CNIH3: variants seen among roughly 807,000 people sequenced by gnomAD.
CNIH3 encodes the protein protein cornichon homolog 3.
Under a neutral mutation model 24.1 loss-of-function variants are expected in CNIH3, and 14 were observed. The ratio of observed to expected loss-of-function variants is 0.58; its 90% confidence interval spans 0.38 to 0.91. CNIH3 has a LOEUF of 0.91. CNIH3 is among the 40% of genes least tolerant of loss of function. The pLI is 0.00. For missense variants in CNIH3, 178 were observed against 196.8 expected (o/e 0.90, Z 0.57); for synonymous variants, 68 against 73.8 (o/e 0.92, Z 0.40).
chr1:224,539,722 G>A (rs1380249265), downstream of CNIH3, among the ~76,000 whole-genome samples: 4 of 152,088 alleles, frequency 2.6e-5, no homozygotes, highest in African/African-American at 2.4e-5. Flanking sequence ...TATGCTATCC[G>A]TGAGAGGTAG....
At chr1:224,551,420 T>C (rs1679916028) in intron 3 of CNIH3, among the ~76,000 whole-genome samples, 1 of 152,056 alleles carries the variant, frequency 6.6e-6, no homozygotes, top group Non-Finnish European at 1.5e-5. Context: ...ATGTCCTTTG[T>C]AGGAACATGG....
chr1:224,473,395 T>C (rs139642437), intron 1 of CNIH3, among the ~76,000 whole-genome samples: 32 of 152,048 alleles, frequency 2.1e-4, no homozygotes, highest in Middle Eastern at 3.4e-3. Flanking sequence ...GCTGAATGGA[T>C]TAAAAACAAA....
At chr1:224,588,600 T>C (rs1401324762) in exon 6 of CNIH3, 1 of 151,274 alleles carries the variant, frequency 6.6e-6, no homozygotes, top group Non-Finnish European at 1.5e-5. Context: ...TCTTTGCCAC[T>C]ACTTAAAAAA....
intron 2 of CNIH3, among the ~76,000 whole-genome samples, chr1:224,535,420 G>C (rs1243479638): frequency 1.3e-5 from 2 of 152,196 alleles, no homozygotes; most frequent in African/African-American, 4.8e-5. Flanking sequence ...AGCTTATGTT[G>C]TTTCAAACCA....
intron 3 of CNIH3, among the ~76,000 whole-genome samples, chr1:224,723,598 G>A (rs991005418): frequency 9.8e-5 from 15 of 152,348 alleles, no homozygotes; most frequent in Admixed American, 2.6e-4. Context: ...GCCTCCCCAG[G>A]CCAGGAGGAA....
intron 1 of CNIH3, among the ~76,000 whole-genome samples, chr1:224,497,353 CAAATGATAGATTTTATGTTTACTTTAAA>C (rs1677480173): frequency 6.6e-6 from 1 of 152,110 alleles, no homozygotes; most frequent in South Asian, 2.1e-4. Context: ...TATACTTTAA[CAAATGATAGATTTTATGTTTACTTTAAA>C]AAATGATAGA....
chr1:224,590,035 C>T (rs1681684241), downstream of CNIH3, among the ~76,000 whole-genome samples: 1 of 152,138 alleles, frequency 6.6e-6, no homozygotes, highest in Non-Finnish European at 1.5e-5. Context: ...AGCCGCCAGG[C>T]CTGGCTAATT....
In CNIH3 at chr1:224,740,381, A is replaced by C. The variant is rs757885541; in HGVS notation, c.*1025A>C. On this transcript the variant is annotated 3_prime_UTR_variant, in exon 6 of 6. Transcript: ENST00000272133. ...GATTTTTATGATGTTTAAATTGGGC[A>C]CAATGATTTTGACCTTATTCCCCAA... The C allele has an allele frequency of 1.3e-5, 2 of 152,220 alleles. No individual in the cohort carries two copies. The highest frequency in any genetic ancestry group is 4.1e-4 in the South Asian group (2 of 4,828). 9.4% of individuals were successfully genotyped at this position (152,220 alleles called of 1,614,324 possible). A position where few individuals can be genotyped will look rare whatever the true frequency, so the allele number is the denominator to read the frequency against.
chr1:224,564,431 A>C (rs1680498243), intron 3 of CNIH3, among the ~76,000 whole-genome samples: 2 of 152,262 alleles, frequency 1.3e-5, no homozygotes, highest in Non-Finnish European at 2.9e-5. Flanking sequence ...GGCTAAGGCC[A>C]TCCCAGGGCT....
chr1:224,477,771 G>C (rs1218858867), intron 1 of CNIH3, among the ~76,000 whole-genome samples: 1 of 152,156 alleles, frequency 6.6e-6, no homozygotes, highest in East Asian at 1.9e-4. Context: ...TGTACCTTCA[G>C]ATAATTTCTT....
intron 1 of CNIH3, among the ~76,000 whole-genome samples, chr1:224,449,433 A>T (rs1261207003): frequency 1.3e-5 from 2 of 152,118 alleles, no homozygotes; most frequent in African/African-American, 4.8e-5. Flanking sequence ...CCTGGATTAG[A>T]CAGTAGCCTC....
At chr1:224,443,698 GATATAT>G (rs1247904565) in intron 1 of CNIH3, among the ~76,000 whole-genome samples, 1 of 148,888 alleles carries the variant, frequency 6.7e-6, no homozygotes, top group African/African-American at 2.5e-5. Flanking sequence ...TATAGATATA[GATATAT>G]ATATATATTT....
At chr1:224,569,749 G>C (rs1394780484) in intron 4 of CNIH3, among the ~76,000 whole-genome samples, 1 of 151,692 alleles carries the variant, frequency 6.6e-6, no homozygotes, top group Non-Finnish European at 1.5e-5. Context: ...ATTGTGGTTT[G>C]TTCTTTTTAT....
chr1:224,517,146 CT>C (rs1678422726), intron 1 of CNIH3, among the ~76,000 whole-genome samples: 1 of 152,036 alleles, frequency 6.6e-6, no homozygotes, highest in African/African-American at 2.4e-5. Context: ...GCATTTTCCC[CT>C]ATCTCTCTGC....
intron 2 of CNIH3, among the ~76,000 whole-genome samples, chr1:224,543,159 AT>A (rs1375578401): frequency 3.3e-5 from 5 of 152,166 alleles, no homozygotes; most frequent in Non-Finnish European, 7.3e-5. Flanking sequence ...TCATTGAAAC[AT>A]GCCTGGGTAA....
At chr1:224,714,883 AG>A (rs1463370101) in intron 3 of CNIH3, among the ~76,000 whole-genome samples, 1 of 152,226 alleles carries the variant, frequency 6.6e-6, no homozygotes, top group African/African-American at 2.4e-5. Flanking sequence ...CTTTGCCTGT[AG>A]GTTGATCATT....
chr1:224,507,684 C>T (rs1677975109), intron 1 of CNIH3, among the ~76,000 whole-genome samples: 1 of 152,196 alleles, frequency 6.6e-6, no homozygotes, highest in African/African-American at 2.4e-5. Context: ...CAAGGGGTAC[C>T]TGGTGTCTTG....
chr1:224,435,116 G>A, intron 1 of CNIH3: 1 of 985,828 alleles, frequency 1.0e-6, no homozygotes. Flanking sequence ...GCGTGCGTGC[G>A]TGAGTCCACC....
chr1:224,548,285 G>A (rs1277119902), intron 3 of CNIH3, among the ~76,000 whole-genome samples: 1 of 151,774 alleles, frequency 6.6e-6, no homozygotes, highest in East Asian at 1.9e-4. Flanking sequence ...CACCCTATGT[G>A]TACACCTTGT....
Sources: gnomAD v4.1 joint callset for allele counts (sites outside exome capture counted in the v4.1 genomes callset) on GRCh38, gnomAD v4.1.1 for gene constraint, MANE v1.5 for transcripts, NCBI Gene and HGNC (gene_info 2026-07-23, HGNC 2026-07-21) for gene names.